The following CA8 variants were observed in gnomAD, a reference collection of about 807,000 sequenced individuals.
CA8 encodes carbonic anhydrase-related protein.
CA8 carries 22 observed loss-of-function variants against 41.4 expected under a neutral mutation model. That is an observed-to-expected ratio of 0.53 (90% CI 0.38 to 0.76). The LOEUF (loss-of-function observed/expected upper bound fraction) is 0.76. Among genes scored for constraint, CA8 ranks in the 30% least tolerant of loss-of-function variants. The pLI is 0.00. For synonymous variants in CA8, 121 were observed against 130.6 expected (o/e 0.93, Z 0.50); for missense variants, 270 against 352.8 (o/e 0.77, Z 1.88).
chr8:60,274,702 G>C (rs1804177265), intron 2 of CA8, among the ~76,000 whole-genome samples: 1 of 152,258 alleles, frequency 6.6e-6, no homozygotes, highest in East Asian at 1.9e-4. Flanking sequence ...GTACAGAGCA[G>C]AGGAAGAGCC....
intron 2 of CA8, among the ~76,000 whole-genome samples, chr8:60,277,219 T>C (rs1233066731): frequency 6.6e-6 from 1 of 152,180 alleles, no homozygotes; most frequent in African/African-American, 2.4e-5. Flanking sequence ...ATTATATTCT[T>C]ACATTCTTGG....
At chr8:60,224,494 GC>G in intron 6 of CA8, 42 bp downstream of exon 6, 1 of 1,111,508 alleles carries the variant, frequency 9.0e-7, no homozygotes, top group Non-Finnish European at 1.4e-6. Flanking sequence ...TGTGACTATA[GC>G]CACAGTTAAA....
At chr8:60,207,356 A>G (rs894191716) in intron 8 of CA8, among the ~76,000 whole-genome samples, 5 of 152,186 alleles carry the variant, frequency 3.3e-5, no homozygotes, top group Admixed American at 2.6e-4. Context: ...TCTACACCCA[A>G]TACGTCCCTA....
At chr8:60,238,665 C>T (rs927992297) in intron 3 of CA8, among the ~76,000 whole-genome samples, 1 of 152,302 alleles carries the variant, frequency 6.6e-6, no homozygotes, top group Admixed American at 6.5e-5. Flanking sequence ...CTTTTTAACA[C>T]AACTTTCACC....
At chr8:60,190,548 A>C (rs1206030657) in intron 8 of CA8, among the ~76,000 whole-genome samples, 1 of 148,670 alleles carries the variant, frequency 6.7e-6, no homozygotes, top group African/African-American at 2.5e-5. Flanking sequence ...CTAAGATTTT[A>C]GTTCAATGAT....
Position 60,187,909 on chromosome 8 carries a change from A to G in CA8, c.*2112T>C, listed in dbSNP as rs1433797702. 6.6e-6 allele frequency: 1 copy of G among 152,192 alleles called. No individual in the cohort carries two copies. Among genetic ancestry groups the G allele is most frequent in the Admixed American group, 6.6e-5 (1 of 15,266 alleles). 9.4% of individuals were successfully genotyped at this position (152,192 alleles called of 1,614,324 possible). On this transcript the variant is annotated 3_prime_UTR_variant, in exon 9 of 9. Transcript: ENST00000317995. The stretch of plus-strand genomic sequence containing the variant: ...TTCTTTCCTATCACACCATCAAAAC[A>G]GATTTGAGATTAGTTGTTGTGCTTT...
intron 7 of CA8, among the ~76,000 whole-genome samples, chr8:60,209,186 T>G (rs1806746140): frequency 6.6e-6 from 1 of 152,172 alleles, no homozygotes; most frequent in Non-Finnish European, 1.5e-5. Context: ...CTCCATTTGT[T>G]AATGTAAAAA....
chr8:60,250,477 G>A lies in CA8; in HGVS notation c.417+15448C>T, dbSNP rs555437960. ...CCTGATCTCCAAACAATCAAAGCTC[G>A]GTAAGCTCTCCACATTCTTCTTTCC... On this transcript the variant is annotated intron_variant, in intron 3 of 8. Coordinates refer to ENST00000317995, the MANE Select transcript of CA8 (RefSeq NM_004056.6). Among the ~76,000 whole-genome samples, 7 of 152,070 alleles carry A rather than the reference G, an allele frequency of 4.6e-5. No homozygotes were observed. The East Asian group carries it at 1.4e-3, about 29-fold the overall frequency.
At chr8:60,238,977 G>A (rs576387804) in intron 3 of CA8, among the ~76,000 whole-genome samples, 9 of 152,274 alleles carry the variant, frequency 5.9e-5, no homozygotes, top group Admixed American at 5.2e-4. Context: ...GGGAGACAGT[G>A]GGAAGGGAGA....
intron 7 of CA8, among the ~76,000 whole-genome samples, chr8:60,217,280 C>T (rs1282807038): frequency 1.3e-5 from 2 of 152,222 alleles, no homozygotes; most frequent in South Asian, 2.1e-4. Flanking sequence ...ACACCCAGCT[C>T]GTCTACTTTG....
At chr8:60,251,929 T>C (rs931423799) in intron 3 of CA8, among the ~76,000 whole-genome samples, 6 of 152,194 alleles carry the variant, frequency 3.9e-5, no homozygotes, top group Admixed American at 3.3e-4. Context: ...GTAGGACAAA[T>C]CCTAATAATC....
intron 3 of CA8, among the ~76,000 whole-genome samples, chr8:60,247,268 T>C (rs757506548): frequency 2.3e-4 from 34 of 149,416 alleles, no homozygotes; most frequent in African/African-American, 5.1e-4. Context: ...ATGTGCAGGA[T>C]TGTTACATAG....
At chr8:60,219,827 G>A (rs10100314) in intron 7 of CA8, among the ~76,000 whole-genome samples, 39,187 of 150,398 alleles carry the variant, frequency 0.26, 5,291 homozygotes, top group Middle Eastern at 0.33. Context: ...TCTGAAACCT[G>A]GGAATGATAA....
At chr8:60,233,239 G>A (rs1041325974) in intron 3 of CA8, among the ~76,000 whole-genome samples, 2 of 152,088 alleles carry the variant, frequency 1.3e-5, no homozygotes, top group African/African-American at 4.8e-5. Context: ...TTACAACGTC[G>A]CCTTATTTTA....
intron 8 of CA8, among the ~76,000 whole-genome samples, chr8:60,206,304 T>G (rs1165834227): frequency 6.6e-6 from 1 of 152,172 alleles, no homozygotes; most frequent in Admixed American, 6.5e-5. Context: ...ATATGAAGTA[T>G]GTGAAATATA....
At chr8:60,213,361 A>C (rs1304436921) in intron 7 of CA8, among the ~76,000 whole-genome samples, 2 of 152,240 alleles carry the variant, frequency 1.3e-5, no homozygotes, top group Admixed American at 1.3e-4. Flanking sequence ...AAACATACTA[A>C]AGAATTACAG....
chr8:60,232,620 G>A, intron 3 of CA8: 1 of 538,372 alleles, frequency 1.9e-6, no homozygotes, highest in Non-Finnish European at 3.4e-6. Flanking sequence ...GTCCTGATGA[G>A]GAGGAAGACA....
chr8:60,186,268 G>A lies in CA8; in HGVS notation c.*3753C>T, dbSNP rs931223541. On this transcript the variant is annotated 3_prime_UTR_variant, in exon 9 of 9. Coordinates refer to ENST00000317995, the MANE Select transcript of CA8 (RefSeq NM_004056.6). ...ATAACAATAATAGCACAAAAAGGGA[G>A]AAGAGAGTTCAGAGCTATTTAGTAG... Among the ~76,000 whole-genome samples, 8 of 151,914 alleles carry A rather than the reference G, an allele frequency of 5.3e-5. No homozygotes were observed. Among genetic ancestry groups the A allele is most frequent in the African/African-American group, 1.9e-4 (8 of 41,388 alleles).
At chr8:60,261,901 G>A (rs1277412577) in intron 3 of CA8, among the ~76,000 whole-genome samples, 3 of 152,142 alleles carry the variant, frequency 2.0e-5, no homozygotes, top group South Asian at 2.1e-4. Context: ...TAGTAGAGAC[G>A]GGGTTCCACC....
Sources: gnomAD v4.1 joint callset for allele counts (sites outside exome capture counted in the v4.1 genomes callset) on GRCh38, gnomAD v4.1.1 for gene constraint, MANE v1.5 for transcripts, NCBI Gene and HGNC (gene_info 2026-07-23, HGNC 2026-07-21) for gene names.